Variants in C12orf76 observed in about 807,000 individuals in gnomAD.
C12orf76 encodes the protein chromosome 12 open reading frame 76.
In C12orf76, 6 loss-of-function variants were observed where a neutral mutation model predicts 6.8. The ratio of observed to expected loss-of-function variants is 0.88; its 90% CI spans 0.48 to 1.73. The LOEUF is 1.73. Among genes scored for constraint, C12orf76 ranks in the 40% most tolerant of loss-of-function variants. The probability of loss-of-function intolerance (pLI) is 0.01; values close to 1 mark genes in which losing one functional copy is unlikely to be tolerated. For missense variants in C12orf76, 99 were observed against 98.2 expected, an observed-to-expected ratio of 1.01 and a Z score of -0.03; for synonymous variants, 56 against 43.7, an observed-to-expected ratio of 1.28 and a Z score of -1.11.
upstream of C12orf76, among the ~76,000 whole-genome samples, chr12:110,069,160 G>T (rs538354270): frequency 1.3e-5 from 2 of 152,130 alleles, no homozygotes; most frequent in African/African-American, 4.8e-5. Context: ...ATGGCTCATC[G>T]CCAGGCACGG....
At chr12:110,042,643 T>C in intron 1 of C12orf76, 184 bp from the exon 2 acceptor site, 1 of 699,550 alleles carries the variant, frequency 1.4e-6, no homozygotes, top group Non-Finnish European at 2.6e-6. Flanking sequence ...AACAAACAGA[T>C]GAGAGCATTT....
chr12:110,073,334 T>A, intron 1 of C12orf76: 1 of 471,218 alleles, frequency 2.1e-6, no homozygotes. Flanking sequence ...CATGTGAGAT[T>A]CAGAATGTGC....
upstream of C12orf76, among the ~76,000 whole-genome samples, chr12:110,070,401 C>T (rs1892948328): frequency 6.6e-6 from 1 of 152,024 alleles, no homozygotes; most frequent in African/African-American, 2.4e-5. Flanking sequence ...CCTGTCTCTA[C>T]AAAAACAATA....
chr12:110,068,253 G>GAAGA (rs1555253373), upstream of C12orf76, among the ~76,000 whole-genome samples: 4 of 43,154 alleles, frequency 9.3e-5, no homozygotes, highest in African/African-American at 3.9e-4. Flanking sequence ...GAAGAAAGAA[G>GAAGA]AAGAAGAAGA....
rs112971756 is a variant in C12orf76, at chr12:110,055,372, AT to A, written n.664+1816del. Among the ~76,000 whole-genome samples, 405 of 151,982 alleles carry A rather than the reference AT, an allele frequency of 2.7e-3. 2 individuals carry two copies. Among genetic ancestry groups the A allele is most frequent in the African/African-American group, 9.4e-3 (388 of 41,464 alleles). On this transcript the variant is annotated intron_variant and non_coding_transcript_variant, in intron 4 of 4. Coordinates refer to the C12orf76 transcript ENST00000309050. ...CAGGCATGCGCCGCCACACCCAGCT[AT>A]ATTTTGTATTTTTAGTAGAGACAGG... is the stretch of plus-strand genomic sequence containing the variant.
upstream of C12orf76, among the ~76,000 whole-genome samples, chr12:110,068,232 G>GAGA (rs1190659962): frequency 1.4e-5 from 2 of 138,104 alleles, no homozygotes; most frequent in Non-Finnish European, 1.5e-5. Context: ...AGAAGGAGAA[G>GAGA]AGAAGAAGAA....
intron 4 of C12orf76, among the ~76,000 whole-genome samples, chr12:110,056,503 C>T (rs548608783): frequency 6.6e-6 from 1 of 152,084 alleles, no homozygotes; most frequent in South Asian, 2.1e-4. Flanking sequence ...CACAGCTACT[C>T]ATTAGGTGGA....
At chr12:110,049,280 C>G (rs1892533720), upstream of C12orf76, 1 of 152,508 alleles carries the variant, frequency 6.6e-6, no homozygotes, top group South Asian at 2.1e-4. Flanking sequence ...AGGCCTGGGC[C>G]TGCCTGGCCT....
chr12:110,057,710 G>A (rs989269057), intron 3 of C12orf76, among the ~76,000 whole-genome samples: 4 of 152,050 alleles, frequency 2.6e-5, no homozygotes, highest in Non-Finnish European at 5.9e-5. Flanking sequence ...ACTTTTGGGG[G>A]TTAGATTCCT....
In C12orf76 at chr12:110,041,271, T is replaced by G. The variant is rs891779644; in HGVS notation, c.*1103A>C. On this transcript the variant is annotated 3_prime_UTR_variant, in exon 2 of 2. Coordinates refer to ENST00000615315, the MANE Select transcript of C12orf76 (RefSeq NM_001389625.1). ...TGTTACAAGATTACAAACAAAATCC[T>G]TACACAGTTACAGTATCCTACTTCG... 5.9e-5 allele frequency: 9 copies of G among 152,668 alleles called. No individual in the cohort carries two copies. The highest frequency in any genetic ancestry group is 1.3e-4 in the Non-Finnish European group (9 of 68,038). The allele number at this position is 152,668 out of a possible 1,614,324, so 9.5% of individuals were successfully genotyped here.
chr12:110,073,223 A>G (rs1289577713), intron 1 of C12orf76, among the ~76,000 whole-genome samples: 1 of 152,080 alleles, frequency 6.6e-6, no homozygotes, highest in Non-Finnish European at 1.5e-5. Flanking sequence ...CTCGCCTTCC[A>G]TGGCTTCTCT....
At chr12:110,059,524 A>G (rs1462295300) in intron 2 of C12orf76, among the ~76,000 whole-genome samples, 1 of 152,242 alleles carries the variant, frequency 6.6e-6, no homozygotes, top group Non-Finnish European at 1.5e-5. Context: ...TCATGTTGCC[A>G]GAAATCCCTG....
At chr12:110,063,117 T>C (rs1159499888) in intron 2 of C12orf76, among the ~76,000 whole-genome samples, 1 of 150,876 alleles carries the variant, frequency 6.6e-6, no homozygotes, top group Non-Finnish European at 1.5e-5. Context: ...TTTTTGTATT[T>C]TTAGTAGACA....
upstream of C12orf76, among the ~76,000 whole-genome samples, chr12:110,053,959 C>T (rs1892627584): frequency 6.6e-6 from 1 of 152,068 alleles, no homozygotes; most frequent in African/African-American, 2.4e-5. Context: ...TGGCACGAGC[C>T]TGTAGAGATG....
rs938786011 is a variant in C12orf76, at chr12:110,041,369, TAAC to T, written c.*1002_*1004del. 6.6e-6 allele frequency: 1 copy of T among 152,596 alleles called. No homozygotes were observed. The highest frequency in any genetic ancestry group is 1.5e-5 in the Non-Finnish European group (1 of 68,044). The allele number at this position is 152,596 out of a possible 1,614,324, so 9.5% of individuals were successfully genotyped here. On this transcript the variant is annotated 3_prime_UTR_variant, in exon 2 of 2. Coordinates refer to ENST00000615315, the MANE Select transcript of C12orf76 (RefSeq NM_001389625.1). The stretch of plus-strand genomic sequence containing the variant: ...ACACAAGATAAGCATTTCAATTTAA[TAAC>T]AAAATTAAATCTAGCACCTTGAAAT...
chr12:110,048,242 C>T, intron 1 of C12orf76, 121 bp downstream of exon 1: 1 of 1,262,476 alleles, frequency 7.9e-7, no homozygotes, highest in Non-Finnish European at 1.0e-6. Flanking sequence ...CACCTGCACC[C>T]CCCGCACTCA....
chr12:110,070,425 G>A (rs550428322), upstream of C12orf76, among the ~76,000 whole-genome samples: 39 of 152,104 alleles, frequency 2.6e-4, no homozygotes, highest in South Asian at 1.5e-3. Context: ...AATTAGCCAG[G>A]CGTCATGGCA....
intron 1 of C12orf76, among the ~76,000 whole-genome samples, chr12:110,046,764 G>A (rs1892460192): frequency 1.3e-5 from 2 of 152,146 alleles, no homozygotes; most frequent in Non-Finnish European, 2.9e-5. Flanking sequence ...CACAGCAGTG[G>A]GTATCCAATG....
intron 1 of C12orf76, chr12:110,066,111 G>A (rs1892854430): frequency 5.7e-6 from 8 of 1,401,098 alleles, no homozygotes; most frequent in Admixed American, 5.7e-5. Flanking sequence ...GGCAGGCCGG[G>A]CGCGGTAGCT....
Sources: allele counts gnomAD v4.1 joint callset (sites outside exome capture counted in the v4.1 genomes callset), GRCh38; gene constraint gnomAD v4.1.1; transcripts MANE v1.5; gene names NCBI Gene and HGNC (gene_info 2026-07-23, HGNC 2026-07-21).